The following PITPNC1 variants were observed in gnomAD, a reference collection of about 807,000 sequenced individuals.
The protein encoded by PITPNC1 is phosphatidylinositol transfer protein cytoplasmic 1, also known as cytoplasmic phosphatidylinositol transfer protein 1.
Under a neutral mutation model 44.7 loss-of-function variants are expected in PITPNC1, and 18 were observed. The observed-to-expected ratio is 0.40, with a 90% confidence interval of 0.28 to 0.60. The LOEUF (loss-of-function observed/expected upper bound fraction) is 0.60. Among genes scored for constraint, PITPNC1 ranks in the 20% least tolerant of loss-of-function variants. PITPNC1 has a pLI of 0.39. For missense variants in PITPNC1, 290 were observed against 418.4 expected (o/e 0.69, Z 2.68); for synonymous variants, 141 against 149.6 (o/e 0.94, Z 0.42).
chr17:67,401,647 C>G (rs1337021339), intron 1 of PITPNC1, among the ~76,000 whole-genome samples: 1 of 151,958 alleles, frequency 6.6e-6, no homozygotes, highest in East Asian at 1.9e-4. Context: ...AGTTCAAGAC[C>G]AGCCTGGCCA....
chr17:67,575,836 T>C (rs2041137386), intron 4 of PITPNC1, among the ~76,000 whole-genome samples: 1 of 101,576 alleles, frequency 9.8e-6, no homozygotes, highest in Admixed American at 1.1e-4. Flanking sequence ...CCTTCCTTCC[T>C]TCCTTCTTTC....
chr17:67,549,962 G>T (rs1009197473), intron 2 of PITPNC1, among the ~76,000 whole-genome samples: 2 of 152,270 alleles, frequency 1.3e-5, no homozygotes, highest in Middle Eastern at 3.4e-3. Flanking sequence ...GCGCTAGGGT[G>T]TGGGGGCAAA....
At chr17:67,499,637 C>A (rs1035193306) in intron 1 of PITPNC1, among the ~76,000 whole-genome samples, 1 of 152,244 alleles carries the variant, frequency 6.6e-6, no homozygotes, top group South Asian at 2.1e-4. Context: ...ATATTTCAGT[C>A]AAGGAAAGAT....
Position 67,696,925 on chromosome 17 carries a change from G to C in PITPNC1, c.*4037G>C, listed in dbSNP as rs1041555905. 1 of 152,176 alleles carries C rather than the reference G, an allele frequency of 6.6e-6. No individual in the cohort carries two copies. The highest frequency in any genetic ancestry group is 1.5e-5 in the Non-Finnish European group (1 of 68,032). 9.4% of individuals were successfully genotyped at this position (152,176 alleles called of 1,614,324 possible). A position where few individuals can be genotyped will look rare whatever the true frequency, so the allele number is the denominator to read the frequency against. On this transcript the variant is annotated 3_prime_UTR_variant, in exon 9 of 9. Coordinates refer to ENST00000581322, the MANE Select transcript of PITPNC1 (RefSeq NM_012417.4). ...CTGTCAAATTGCAAGTCTCCCTTCAGTTTCTATATATCACCCAGGAGAGGG... is the reference window on the plus strand; with the variant it reads ...CTGTCAAATTGCAAGTCTCCCTTCACTTTCTATATATCACCCAGGAGAGGG...
At chr17:67,521,463 T>C (rs552825190) in intron 1 of PITPNC1, among the ~76,000 whole-genome samples, 1 of 152,328 alleles carries the variant, frequency 6.6e-6, no homozygotes, top group African/African-American at 2.4e-5. Flanking sequence ...TCCTGAAATA[T>C]GAGCTGCAGG....
chr17:67,468,918 G>A (rs1037164985), intron 1 of PITPNC1, among the ~76,000 whole-genome samples: 4 of 152,082 alleles, frequency 2.6e-5, no homozygotes, highest in Non-Finnish European at 5.9e-5. Flanking sequence ...TAGTAGAGAC[G>A]AGGTTTCGCC....
At chr17:67,387,323 C>A (rs890166261) in intron 1 of PITPNC1, among the ~76,000 whole-genome samples, 1 of 152,146 alleles carries the variant, frequency 6.6e-6, no homozygotes, top group Non-Finnish European at 1.5e-5. Flanking sequence ...AACATCACAC[C>A]CTTAGCATCG....
In PITPNC1 at chr17:67,690,407, C is replaced by T. The variant is rs989226942; in HGVS notation, c.683-2165C>T. Among the ~76,000 whole-genome samples, 4 of 144,010 alleles carry T rather than the reference C, an allele frequency of 2.8e-5. No individual in the cohort carries two copies. The Admixed American group carries it at 3.0e-4, about 11-fold the overall frequency. The allele number at this position is 144,010 out of a possible 152,430, so 94.5% of individuals were successfully genotyped here. The stretch of plus-strand genomic sequence containing the variant: ...AAGTTGCAGTGAGCCGAGATCTCGC[C>T]GTTGCACTCCAGCCTGGGAGACAAG... On this transcript the variant is annotated intron_variant, in intron 8 of 8. Coordinates refer to ENST00000581322, the MANE Select transcript of PITPNC1 (RefSeq NM_012417.4).
chr17:67,555,211 C>T (rs1380723906), intron 4 of PITPNC1, among the ~76,000 whole-genome samples: 1 of 152,106 alleles, frequency 6.6e-6, no homozygotes. Context: ...TCCCTCCTTC[C>T]TAGAGATGTT....
In PITPNC1 at chr17:67,574,199, G is replaced by C. The variant is rs1224374230; in HGVS notation, c.295-3987G>C. On this transcript the variant is annotated intron_variant, in intron 4 of 8. Coordinates refer to ENST00000581322, the MANE Select transcript of PITPNC1 (RefSeq NM_012417.4). ...TCCCCATTCTCCACCTGGGGCAACT[G>C]GGGCTGAGAACAGTAAAATAACTTG... 2.6e-5 allele frequency among the ~76,000 whole-genome samples: 4 copies of C among 152,296 alleles called. No homozygotes were observed. In the East Asian group the frequency reaches 5.8e-4, roughly 22 times the overall value.
intron 1 of PITPNC1, among the ~76,000 whole-genome samples, chr17:67,421,268 G>T (rs1323343319): frequency 6.6e-6 from 1 of 152,078 alleles, no homozygotes; most frequent in Non-Finnish European, 1.5e-5. Flanking sequence ...TGAAAACAGA[G>T]AACGGTAACT....
rs184967603 is a variant in PITPNC1 at position 67,529,277 on chromosome 17, T to C, written c.49-3525T>C. 5.9e-5 allele frequency among the ~76,000 whole-genome samples: 9 copies of C among 152,268 alleles called. 2 individuals are homozygous for C. The East Asian group carries it at 1.7e-3, about 29-fold the overall frequency. ...GCTGACTGGCGTCTGGCTAATGGCT[T>C]TTCTGTGTCATGCACTGACCTTGAT... On this transcript the variant is annotated intron_variant, in intron 1 of 8. Coordinates refer to ENST00000581322, the MANE Select transcript of PITPNC1 (RefSeq NM_012417.4).
chr17:67,584,939 A>G (rs2041291701), intron 5 of PITPNC1, among the ~76,000 whole-genome samples: 1 of 151,794 alleles, frequency 6.6e-6, no homozygotes, highest in Non-Finnish European at 1.5e-5. Flanking sequence ...ACATAGAGAA[A>G]CCCCATCTGT....
chr17:67,399,645 A>G (rs919325979), intron 1 of PITPNC1, among the ~76,000 whole-genome samples: 1 of 152,250 alleles, frequency 6.6e-6, no homozygotes, highest in African/African-American at 2.4e-5. Context: ...TGTATAACAT[A>G]ACCACATTTA....
intron 1 of PITPNC1, among the ~76,000 whole-genome samples, chr17:67,425,810 C>T (rs994527367): frequency 1.2e-4 from 18 of 152,078 alleles, no homozygotes; most frequent in African/African-American, 4.3e-4. Flanking sequence ...ATTACAGGTG[C>T]AAGCCACCAT....
intron 4 of PITPNC1, among the ~76,000 whole-genome samples, chr17:67,576,783 CAG>C (rs1016670431): frequency 2.0e-5 from 3 of 152,306 alleles, no homozygotes; most frequent in South Asian, 2.1e-4. Context: ...AAGACAAAGA[CAG>C]GGGCTGCCTT....
intron 6 of PITPNC1, among the ~76,000 whole-genome samples, chr17:67,655,678 A>G (rs2042258062): frequency 6.6e-6 from 1 of 152,106 alleles, no homozygotes; most frequent in Non-Finnish European, 1.5e-5. Flanking sequence ...TCACACCTAT[A>G]ATCCCAGCCC....
At chr17:67,563,705 C>T (rs535080987) in intron 4 of PITPNC1, among the ~76,000 whole-genome samples, 121 of 152,174 alleles carry the variant, frequency 8.0e-4, no homozygotes, top group Admixed American at 1.4e-3. Flanking sequence ...TCTCTCAGCT[C>T]CTGCCCTACT....
intron 6 of PITPNC1, among the ~76,000 whole-genome samples, chr17:67,658,446 C>T (rs985447075): frequency 2.0e-5 from 3 of 152,168 alleles, no homozygotes; most frequent in Non-Finnish European, 4.4e-5. Context: ...CATAAAAGCC[C>T]CAGGCTCAGC....
Sources: allele counts gnomAD v4.1 joint callset (sites outside exome capture counted in the v4.1 genomes callset), GRCh38; gene constraint gnomAD v4.1.1; transcripts MANE v1.5; gene names NCBI Gene and HGNC (gene_info 2026-07-23, HGNC 2026-07-21).